Variants in PSD3 observed in about 807,000 individuals in gnomAD.
PSD3 encodes the protein PH and SEC7 domain-containing protein 3.
In PSD3, 49 loss-of-function variants were observed where a neutral mutation model predicts 105.5. That is an observed-to-expected ratio of 0.46 (90% confidence interval 0.37 to 0.59). The LOEUF (loss-of-function observed/expected upper bound fraction) is 0.59. Among genes scored for constraint, PSD3 ranks in the 20% least tolerant of loss-of-function variants. The pLI is 0.00. For synonymous variants in PSD3, 557 were observed against 457.8 expected, an observed-to-expected ratio of 1.22 and a Z score of -2.77; for missense variants, 1,561 against 1,263.8, an observed-to-expected ratio of 1.24 and a Z score of -3.57.
intron 2 of PSD3, among the ~76,000 whole-genome samples, chr8:18,916,590 G>A (rs1457064349): frequency 2.0e-5 from 3 of 151,584 alleles, no homozygotes. Context: ...GCAGGGAGGA[G>A]GATGAGGAGG....
At chr8:18,779,407 T>C (rs904533926) in intron 8 of PSD3, among the ~76,000 whole-genome samples, 1 of 152,042 alleles carries the variant, frequency 6.6e-6, no homozygotes, top group African/African-American at 2.4e-5. Flanking sequence ...CAACTCTTCA[T>C]TTCACTGATC....
chr8:19,020,207 G>A (rs1450536605), intron 1 of PSD3, among the ~76,000 whole-genome samples: 1 of 152,100 alleles, frequency 6.6e-6, no homozygotes, highest in Non-Finnish European at 1.5e-5. Flanking sequence ...AGCAAGATAA[G>A]TAAATATATG....
At chr8:19,049,269 A>T (rs1170688315) in intron 1 of PSD3, among the ~76,000 whole-genome samples, 4 of 152,186 alleles carry the variant, frequency 2.6e-5, no homozygotes, top group Non-Finnish European at 5.9e-5. Flanking sequence ...GGTGGAGCGG[A>T]GAGACTATCT....
intron 1 of PSD3, among the ~76,000 whole-genome samples, chr8:19,060,633 C>G (rs972241773): frequency 1.1e-4 from 16 of 152,176 alleles, no homozygotes; most frequent in African/African-American, 3.9e-4. Context: ...GACCCCATCT[C>G]AAACAACAAC....
intron 1 of PSD3, among the ~76,000 whole-genome samples, chr8:19,068,375 G>A (rs140304077): frequency 9.3e-5 from 14 of 151,022 alleles, no homozygotes; most frequent in East Asian, 3.9e-4. Context: ...CTGTAGCCTC[G>A]ATCTTCAGGG....
chr8:18,540,113 C>T (rs17126784), intron 15 of PSD3, among the ~76,000 whole-genome samples: 4,702 of 152,230 alleles, frequency 0.031, 148 homozygotes, highest in African/African-American at 0.083. Context: ...TGCCCTGTGG[C>T]CTAGATTTGG....
chr8:19,013,845 G>A (rs1462655317), upstream of PSD3, among the ~76,000 whole-genome samples: 4 of 150,284 alleles, frequency 2.7e-5, no homozygotes, highest in African/African-American at 9.7e-5. Context: ...GCGGAGGGCG[G>A]AGGGCGGAGA....
intron 1 of PSD3, among the ~76,000 whole-genome samples, chr8:18,940,808 G>A (rs1227280532): frequency 2.0e-5 from 3 of 152,132 alleles, no homozygotes; most frequent in Non-Finnish European, 2.9e-5. Context: ...GGGGTATAAT[G>A]GCATGGAGAT....
intron 8 of PSD3, among the ~76,000 whole-genome samples, chr8:18,783,685 G>C (rs1163755201): frequency 6.6e-6 from 1 of 152,192 alleles, no homozygotes; most frequent in Non-Finnish European, 1.5e-5. Flanking sequence ...CCAGGCTGGA[G>C]TGCAGTGGCA....
At chr8:18,857,265 A>C (rs180878481) in intron 4 of PSD3, among the ~76,000 whole-genome samples, 5 of 152,276 alleles carry the variant, frequency 3.3e-5, no homozygotes, top group African/African-American at 9.6e-5. Flanking sequence ...CGCCTCTCAA[A>C]AGCAGCTTCC....
intron 9 of PSD3, among the ~76,000 whole-genome samples, chr8:18,676,907 T>G (rs10090559): frequency 0.13 from 19,496 of 152,252 alleles, 2,004 homozygotes; most frequent in African/African-American, 0.28. Context: ...CTCGGCTCCA[T>G]GTTAATTTCC....
chr8:18,768,725 T>G (rs2129444058), intron 8 of PSD3, among the ~76,000 whole-genome samples: 1 of 152,346 alleles, frequency 6.6e-6, no homozygotes, highest in Non-Finnish European at 1.5e-5. Context: ...CCAGCCACCC[T>G]TCTCCTGTTT....
intron 9 of PSD3, among the ~76,000 whole-genome samples, chr8:18,705,894 A>G (rs145600745): frequency 6.6e-6 from 1 of 152,218 alleles, no homozygotes; most frequent in Non-Finnish European, 1.5e-5. Context: ...GATCAAGAGT[A>G]TCAAAAATAC....
At chr8:18,817,976 C>T (rs35045637) in intron 4 of PSD3, among the ~76,000 whole-genome samples, 12,453 of 152,112 alleles carry the variant, frequency 0.082, 671 homozygotes, top group South Asian at 0.18. Flanking sequence ...TTTTTTGAGA[C>T]GGAGTCTCAC....
upstream of PSD3, among the ~76,000 whole-genome samples, chr8:19,015,612 C>CA (rs1007525177): frequency 2.6e-5 from 4 of 151,866 alleles, no homozygotes; most frequent in South Asian, 2.1e-4. Flanking sequence ...CATAAACAAA[C>CA]AAAAAAAAGT....
chr8:19,080,374 T>C (rs1421351586), intron 1 of PSD3, among the ~76,000 whole-genome samples: 1 of 152,170 alleles, frequency 6.6e-6, no homozygotes, highest in East Asian at 1.9e-4. Context: ...CCAGAGCTTC[T>C]TTGTTATCTT....
rs1402900060 is a variant in PSD3 at position 18,535,431 on chromosome 8, A to G, written c.*312T>C. On this transcript the variant is annotated 3_prime_UTR_variant, in exon 16 of 16. Coordinates refer to ENST00000327040, the MANE Select transcript of PSD3 (RefSeq NM_015310.4). ...TTAACAGTTGATATGAGAATACATA[A>G]AACAACTGAGCAGACTGCAAACAAG... 6.2e-6 allele frequency: 2 copies of G among 323,388 alleles called. No homozygotes were observed. Among genetic ancestry groups the G allele is most frequent in the East Asian group, 5.9e-5 (1 of 16,966 alleles). 20.0% of individuals were successfully genotyped at this position (323,388 alleles called of 1,614,324 possible). A position where few individuals can be genotyped will look rare whatever the true frequency, so the allele number is the denominator to read the frequency against.
intron 15 of PSD3, among the ~76,000 whole-genome samples, chr8:18,554,496 G>A (rs12545132): frequency 0.11 from 16,012 of 151,946 alleles, 907 homozygotes; most frequent in South Asian, 0.22. Flanking sequence ...AGAGTTCTCC[G>A]CCCAGAGCAA....
intron 1 of PSD3, among the ~76,000 whole-genome samples, chr8:18,970,454 G>T (rs988013882): frequency 2.0e-5 from 3 of 151,166 alleles, no homozygotes; most frequent in African/African-American, 4.9e-5. Context: ...TTCCCTAAAG[G>T]TCTGGAAAAA....
Sources: allele counts gnomAD v4.1 joint callset (sites outside exome capture counted in the v4.1 genomes callset), GRCh38; gene constraint gnomAD v4.1.1; transcripts MANE v1.5; gene names NCBI Gene and HGNC (gene_info 2026-07-23, HGNC 2026-07-21).